Variants in MTAP observed in about 807,000 individuals in gnomAD.
MTAP encodes S-methyl-5'-thioadenosine phosphorylase.
In MTAP, 33 loss-of-function variants were observed where a neutral mutation model predicts 33.6. That is an observed-to-expected ratio of 0.98 (90% CI 0.74 to 1.31). The LOEUF (loss-of-function observed/expected upper bound fraction) is 1.31, where lower values mean the gene tolerates loss of function less well. Ranked by LOEUF, MTAP falls within the 40% of genes most tolerant of loss-of-function variation. The pLI, the probability that MTAP is intolerant of heterozygous loss-of-function variation, is 0.00. For synonymous variants in MTAP, 148 were observed against 125.7 expected, an observed-to-expected ratio of 1.18 and a Z score of -1.19; for missense variants, 367 against 360.0, an observed-to-expected ratio of 1.02 and a Z score of -0.16.
chr9:21,883,748 A>G lies in MTAP; in HGVS notation c.147+28878A>G, dbSNP rs75433935. 6.6e-5 allele frequency among the ~76,000 whole-genome samples: 10 copies of G among 151,382 alleles called. No individual in the cohort carries two copies. In the East Asian group the frequency reaches 1.9e-3, roughly 29 times the overall value. ...GTGGTCTGGAGTTTCTGAGCAAACA[A>G]TAGGGAACCCTCTAGTGTACAGGTA... On this transcript the variant is annotated intron_variant, in intron 1 of 1. Transcript: ENST00000577563.
chr9:21,858,341 T>C (rs1825681350), intron 6 of MTAP, among the ~76,000 whole-genome samples: 1 of 152,182 alleles, frequency 6.6e-6, no homozygotes, highest in African/African-American at 2.4e-5. Context: ...ATCACATTGC[T>C]ATGGAGAAAT....
intron 1 of MTAP, among the ~76,000 whole-genome samples, chr9:21,876,113 G>C (rs774379220): frequency 6.6e-6 from 1 of 151,982 alleles, no homozygotes; most frequent in African/African-American, 2.4e-5. Context: ...TGCATTTCTC[G>C]AATGATCAGT....
chr9:21,837,172 A>G (rs1276345567), intron 4 of MTAP, among the ~76,000 whole-genome samples: 1 of 152,214 alleles, frequency 6.6e-6, no homozygotes, highest in Non-Finnish European at 1.5e-5. Flanking sequence ...GAACTAAGAC[A>G]CTTTAGAATT....
intron 6 of MTAP, among the ~76,000 whole-genome samples, chr9:21,857,634 C>G (rs1416437227): frequency 6.6e-6 from 1 of 152,210 alleles, no homozygotes; most frequent in Non-Finnish European, 1.5e-5. Flanking sequence ...TCCATGAATT[C>G]AGCATCTAGC....
At chr9:21,870,216 A>G (rs1331385187), downstream of MTAP, among the ~76,000 whole-genome samples, 1 of 152,248 alleles carries the variant, frequency 6.6e-6, no homozygotes, top group Non-Finnish European at 1.5e-5. Flanking sequence ...AGTACTCCTA[A>G]GGACTCTTAC....
chr9:21,936,779 G>A lies in MTAP; in HGVS notation c.*5580G>A, dbSNP rs976707334. 1.1e-4 allele frequency: 17 copies of A among 152,056 alleles called. No individual in the cohort carries two copies. In the East Asian group the frequency reaches 2.5e-3, roughly 22 times the overall value. 9.4% of individuals were successfully genotyped at this position (152,056 alleles called of 1,614,324 possible). A position where few individuals can be genotyped will look rare whatever the true frequency, so the allele number is the denominator to read the frequency against. ...AGAGTTAACAATTTTAACTAATATA[G>A]AGTAGTTAAAAAGACTAAAAATAAT... is the stretch of plus-strand genomic sequence containing the variant. On this transcript the variant is annotated 3_prime_UTR_variant, in exon 8 of 8. Coordinates refer to the MTAP transcript ENST00000580900.
chr9:21,835,828 A>G (rs1825091697), intron 4 of MTAP, among the ~76,000 whole-genome samples: 1 of 152,212 alleles, frequency 6.6e-6, no homozygotes, highest in South Asian at 2.1e-4. Flanking sequence ...GTTTATAGGA[A>G]TTTAAGTTTA....
Position 21,814,357 on chromosome 9 carries a change from G to A in MTAP, c.34-1076G>A, listed in dbSNP as rs551555645. On this transcript the variant is annotated intron_variant, in intron 1 of 7. Transcript: ENST00000644715. ...CTTAATCCTGGAATTTTTTTCTTGA[G>A]GCCTACTTTATTTTATTTAGTTACC... 3.3e-5 allele frequency among the ~76,000 whole-genome samples: 5 copies of A among 151,814 alleles called. No homozygotes were observed. In the South Asian group the frequency reaches 6.3e-4, roughly 19 times the overall value.
At chr9:21,915,299 G>A (rs546253489) in intron 1 of MTAP, among the ~76,000 whole-genome samples, 1 of 151,794 alleles carries the variant, frequency 6.6e-6, no homozygotes, top group South Asian at 2.1e-4. Context: ...CACCATGTTA[G>A]CCAGGATGGT....
intron 1 of MTAP, chr9:21,893,463 A>G (rs956749757): frequency 3.9e-5 from 6 of 152,220 alleles, no homozygotes; most frequent in Admixed American, 2.6e-4. Context: ...ATGAAACCAA[A>G]CGTTGGTTTT....
chr9:21,883,103 G>A (rs1818041991), intron 1 of MTAP, among the ~76,000 whole-genome samples: 1 of 149,982 alleles, frequency 6.7e-6, no homozygotes, highest in Non-Finnish European at 1.5e-5. Context: ...AACAGGAGAA[G>A]ATATATGCAA....
At chr9:21,821,666 T>G (rs895652214) in intron 4 of MTAP, among the ~76,000 whole-genome samples, 7 of 152,206 alleles carry the variant, frequency 4.6e-5, no homozygotes, top group Admixed American at 6.5e-5. Flanking sequence ...GATTCCCTCT[T>G]TTTTTATTGA....
At chr9:21,838,806 G>A (rs1280076052) in intron 5 of MTAP, among the ~76,000 whole-genome samples, 1 of 152,232 alleles carries the variant, frequency 6.6e-6, no homozygotes, top group Non-Finnish European at 1.5e-5. Flanking sequence ...AGGTTTGAAA[G>A]TCAGGTGCAA....
intron 1 of MTAP, among the ~76,000 whole-genome samples, chr9:21,904,360 G>A (rs1017044291): frequency 1.1e-4 from 16 of 152,176 alleles, no homozygotes; most frequent in Middle Eastern, 3.2e-3. Context: ...TCCTCGCCCA[G>A]GTCATTGGGG....
chr9:21,938,042 G>T (rs1819068620), downstream of MTAP, among the ~76,000 whole-genome samples: 1 of 152,160 alleles, frequency 6.6e-6, no homozygotes, highest in African/African-American at 2.4e-5. Context: ...AGAGGCTAAG[G>T]TGGGCTGATT....
intron 1 of MTAP, chr9:21,814,019 T>G (rs1185978173): frequency 2.0e-5 from 3 of 152,240 alleles, no homozygotes; most frequent in African/African-American, 7.2e-5. Context: ...GTTAACCTGC[T>G]GTGGTTTTAA....
At chr9:21,850,105 G>A (rs942170225) in intron 5 of MTAP, among the ~76,000 whole-genome samples, 1 of 152,226 alleles carries the variant, frequency 6.6e-6, no homozygotes, top group Non-Finnish European at 1.5e-5. Flanking sequence ...TTACATTGAT[G>A]ACAGTACGCT....
chr9:21,836,531 G>A (rs1414942281), intron 4 of MTAP, among the ~76,000 whole-genome samples: 1 of 152,140 alleles, frequency 6.6e-6, no homozygotes, highest in Admixed American at 6.5e-5. Flanking sequence ...TAAGTGGGAT[G>A]TTGCTAATGC....
chr9:21,940,019 G>A (rs112043118), downstream of MTAP, among the ~76,000 whole-genome samples: 101 of 152,282 alleles, frequency 6.6e-4, 1 homozygote, highest in African/African-American at 2.2e-3. Flanking sequence ...GGTGGCTCAC[G>A]CCTGTAATCC....
Sources: allele counts gnomAD v4.1 joint callset (sites outside exome capture counted in the v4.1 genomes callset), GRCh38; gene constraint gnomAD v4.1.1; transcripts MANE v1.5; gene names NCBI Gene and HGNC (gene_info 2026-07-23, HGNC 2026-07-21).